DPYSL2: variants seen among roughly 807,000 people sequenced by gnomAD.
DPYSL2 encodes the protein dihydropyrimidinase-related protein 2.
DPYSL2 carries 13 observed loss-of-function variants against 69.9 expected under a neutral mutation model. The ratio of observed to expected loss-of-function variants is 0.19; its 90% CI spans 0.12 to 0.30. The LOEUF (loss-of-function observed/expected upper bound fraction) is 0.30. DPYSL2 is among the 10% of genes least tolerant of loss of function. The pLI is 1.00. For synonymous variants in DPYSL2, 326 were observed against 359.1 expected (o/e 0.91, Z 1.04); for missense variants, 587 against 918.9 (o/e 0.64, Z 4.67).
intron 1 of DPYSL2, among the ~76,000 whole-genome samples, chr8:26,576,740 C>T (rs1044731157): frequency 1.3e-5 from 2 of 152,240 alleles, no homozygotes; most frequent in Admixed American, 1.3e-4. Flanking sequence ...GACTCAGTTT[C>T]CCTTTCCTGT....
At chr8:26,556,546 T>A (rs1800991214) in intron 1 of DPYSL2, among the ~76,000 whole-genome samples, 1 of 149,472 alleles carries the variant, frequency 6.7e-6, no homozygotes, top group South Asian at 2.1e-4. Flanking sequence ...ATACCAGCAA[T>A]GAACAATTAG....
At chr8:26,553,136 C>G (rs563681914) in intron 1 of DPYSL2, among the ~76,000 whole-genome samples, 2 of 152,190 alleles carry the variant, frequency 1.3e-5, no homozygotes, top group African/African-American at 4.8e-5. Flanking sequence ...AGACCTATTG[C>G]TATTAAAGAA....
chr8:26,528,377 G>A (rs568630602), intron 1 of DPYSL2, among the ~76,000 whole-genome samples: 16 of 152,218 alleles, frequency 1.1e-4, no homozygotes, highest in African/African-American at 1.9e-4. Context: ...GGCCGGGCGC[G>A]GTGGCTCATG....
intron 3 of DPYSL2, among the ~76,000 whole-genome samples, chr8:26,604,039 A>G (rs1161940623): frequency 1.3e-5 from 2 of 152,154 alleles, no homozygotes; most frequent in Non-Finnish European, 2.9e-5. Context: ...TCTGCACCAC[A>G]GTTTTCTGAT....
At chr8:26,616,414 A>G (rs1802349350) in intron 3 of DPYSL2, among the ~76,000 whole-genome samples, 1 of 152,236 alleles carries the variant, frequency 6.6e-6, no homozygotes, top group South Asian at 2.1e-4. Context: ...CGGGAAAGCC[A>G]CATAGATAAG....
intron 1 of DPYSL2, among the ~76,000 whole-genome samples, chr8:26,556,192 T>TAG (rs370573016): frequency 7.8e-4 from 7 of 9,028 alleles, no homozygotes; most frequent in African/African-American, 1.1e-3. Context: ...ACTATATATA[T>TAG]TATATATACT....
Position 26,624,916 on chromosome 8 carries a change from G to A in DPYSL2, c.793+609G>A, listed in dbSNP as rs571459433. On this transcript the variant is annotated intron_variant, in intron 4 of 13. Transcript: ENST00000521913. This position sits in a 1 kb window ranked among gnomAD's most constrained non-coding sequence, Gnocchi z 4.7. Reference sequence around the variant, plus strand: ...GGACTCTTGTCAACAAGAACCTCGGGGGTTTGCGGGGAAGAGCCAGGCCAC... The same window carrying A: ...GGACTCTTGTCAACAAGAACCTCGGAGGTTTGCGGGGAAGAGCCAGGCCAC... 6.6e-6 allele frequency among the ~76,000 whole-genome samples: 1 copy of A among 152,264 alleles called. No individual in the cohort carries two copies. The highest frequency in any genetic ancestry group is 2.1e-4 in the South Asian group (1 of 4,810).
chr8:26,520,796 T>C (rs1808372606), intron 1 of DPYSL2, among the ~76,000 whole-genome samples: 1 of 152,140 alleles, frequency 6.6e-6, no homozygotes, highest in South Asian at 2.1e-4. Flanking sequence ...GGTTGGGAAG[T>C]CTAAGATCAA....
intron 1 of DPYSL2, among the ~76,000 whole-genome samples, chr8:26,557,572 G>A (rs1241656700): frequency 7.5e-6 from 1 of 132,456 alleles, no homozygotes; most frequent in East Asian, 2.5e-4. Context: ...GAGGCCAGGA[G>A]TTTGAGACCA....
rs1402769484 is a variant in DPYSL2 at position 26,560,669 on chromosome 8, A to C, written c.355-21300A>C. Among the ~76,000 whole-genome samples, 1 of 152,242 alleles carries C rather than the reference A, an allele frequency of 6.6e-6. No homozygotes were observed. Among genetic ancestry groups the C allele is most frequent in the Non-Finnish European group, 1.5e-5 (1 of 68,046 alleles). On this transcript the variant is annotated intron_variant, in intron 1 of 13. Coordinates refer to ENST00000521913, the MANE Select transcript of DPYSL2 (RefSeq NM_001197293.3). The surrounding 1 kb of genome is among the most constrained non-coding windows in gnomAD (Gnocchi z 4.4). ...CTCTATGCTTTAATAGAAGCATTAA[A>C]ACAGTAAGCAGCCATCATTTTTGGG...
At chr8:26,599,708 C>A (rs1418149144) in intron 3 of DPYSL2, among the ~76,000 whole-genome samples, 1 of 151,700 alleles carries the variant, frequency 6.6e-6, no homozygotes, top group Non-Finnish European at 1.5e-5. Context: ...TAGAGCAAGA[C>A]CCTGTCTCAA....
chr8:26,555,329 T>A (rs1800928209), intron 1 of DPYSL2, among the ~76,000 whole-genome samples: 1 of 152,122 alleles, frequency 6.6e-6, no homozygotes. Flanking sequence ...GCATATGACA[T>A]CACTGCCTAT....
chr8:26,649,126 GTAT>G (rs1459148204), intron 11 of DPYSL2, among the ~76,000 whole-genome samples: 1 of 152,214 alleles, frequency 6.6e-6, no homozygotes, highest in African/African-American at 2.4e-5. Flanking sequence ...AAAGGGACTG[GTAT>G]TATTATCCCA....
intron 7 of DPYSL2, among the ~76,000 whole-genome samples, chr8:26,630,222 G>T (rs541377230): frequency 6.6e-6 from 1 of 152,294 alleles, no homozygotes; most frequent in African/African-American, 2.4e-5. Flanking sequence ...TGCAGACACC[G>T]CAAGGGTTCG....
At chr8:26,599,063 T>C in intron 3 of DPYSL2, among the ~76,000 whole-genome samples, 1 of 152,232 alleles carries the variant, frequency 6.6e-6, no homozygotes, top group African/African-American at 2.4e-5. Context: ...TCCTGAAATA[T>C]GAGTTTTCAT....
At chr8:26,552,784 A>T (rs1168240392) in intron 1 of DPYSL2, among the ~76,000 whole-genome samples, 2 of 152,218 alleles carry the variant, frequency 1.3e-5, no homozygotes, top group African/African-American at 2.4e-5. Context: ...TAATCCATTC[A>T]TGAGTGCAGA....
chr8:26,536,103 T>A (rs1179480449), intron 1 of DPYSL2, among the ~76,000 whole-genome samples: 1 of 145,958 alleles, frequency 6.9e-6, no homozygotes. Context: ...TGTATCTTTT[T>A]CCTTTTTTTT....
intron 3 of DPYSL2, among the ~76,000 whole-genome samples, chr8:26,589,382 C>A (rs751803386): frequency 2.0e-5 from 3 of 152,226 alleles, no homozygotes; most frequent in Non-Finnish European, 4.4e-5. Context: ...TTACATTTTC[C>A]TATTTCCTGC....
intron 8 of DPYSL2, among the ~76,000 whole-genome samples, chr8:26,635,305 A>G (rs1802885588): frequency 6.6e-6 from 1 of 152,238 alleles, no homozygotes; most frequent in African/African-American, 2.4e-5. Flanking sequence ...CGGGGTATGT[A>G]AGGCAGCTTT....
Sources: gnomAD v4.1 joint callset for allele counts (sites outside exome capture counted in the v4.1 genomes callset) on GRCh38, gnomAD v4.1.1 for gene constraint, Gnocchi (gnomAD v3.1) non-coding constraint, MANE v1.5 for transcripts, NCBI Gene and HGNC (gene_info 2026-07-23, HGNC 2026-07-21) for gene names.